Variants in COL25A1 observed in about 807,000 individuals in gnomAD.
COL25A1 encodes the protein collagen alpha-1(XXV) chain.
In COL25A1, 103 loss-of-function variants were observed where a neutral mutation model predicts 128.4. The observed-to-expected ratio is 0.80, with a 90% CI of 0.68 to 0.94. The LOEUF is 0.94. COL25A1 is among the 40% of genes least tolerant of loss of function. The pLI, the probability that COL25A1 is intolerant of heterozygous loss-of-function variation, is 0.00. For missense variants in COL25A1, 745 were observed against 840.0 expected (o/e 0.89, Z 1.40); for synonymous variants, 279 against 277.2 (o/e 1.01, Z -0.06).
At chr4:109,013,484 C>CCACACTGTGTAGGGTTTGTTCTT (rs1756876256) in intron 5 of COL25A1, among the ~76,000 whole-genome samples, 1 of 151,080 alleles carries the variant, frequency 6.6e-6, no homozygotes, top group African/African-American at 2.4e-5. Context: ...GAGTCCCCTT[C>CCACACTGTGTAGGGTTTGTTCTT]CACACTGTGT....
chr4:109,063,538 A>G (rs974753433), intron 3 of COL25A1, among the ~76,000 whole-genome samples: 4 of 150,938 alleles, frequency 2.7e-5, no homozygotes, highest in African/African-American at 9.7e-5. Flanking sequence ...GAGGGTAAGG[A>G]AGGATAAAAA....
intron 19 of COL25A1, among the ~76,000 whole-genome samples, chr4:108,883,420 T>C (rs1047328035): frequency 7.9e-5 from 12 of 152,188 alleles, no homozygotes; most frequent in Admixed American, 5.2e-4. Context: ...TTGCATTATG[T>C]TAACCCCTAT....
At chr4:108,900,484 A>G (rs114261146) in intron 14 of COL25A1, among the ~76,000 whole-genome samples, 1,731 of 152,288 alleles carry the variant, frequency 0.011, 24 homozygotes, top group African/African-American at 0.039. Context: ...TCACTCATCA[A>G]AGGATTTGGG....
chr4:109,122,284 A>G (rs1768172559), intron 3 of COL25A1, among the ~76,000 whole-genome samples: 1 of 151,996 alleles, frequency 6.6e-6, no homozygotes, highest in Non-Finnish European at 1.5e-5. Flanking sequence ...TCCGGGTGAT[A>G]ATGATGTGTC....
At chr4:108,852,828 G>A (rs1735951613) in intron 25 of COL25A1, 74 bp downstream of exon 25, 2 of 1,139,984 alleles carry the variant, frequency 1.8e-6, no homozygotes, top group Admixed American at 4.1e-5. Flanking sequence ...AGCTACATTA[G>A]TACCATTTTG....
intron 3 of COL25A1, among the ~76,000 whole-genome samples, chr4:109,244,757 G>T (rs1481890899): frequency 6.6e-6 from 1 of 152,150 alleles, no homozygotes; most frequent in Non-Finnish European, 1.5e-5. Flanking sequence ...AAAATTAAGT[G>T]TCTGGGTAGT....
In COL25A1 at chr4:108,933,881, G is replaced by T. The variant is rs59753758; in HGVS notation, c.708+3927C>A. Among the ~76,000 whole-genome samples the T allele has an allele frequency of 9.3e-3, 1,155 of 124,772 alleles. 12 individuals carry two copies. Among genetic ancestry groups the T allele is most frequent in the African/African-American group, 0.029 (1,089 of 37,074 alleles). 81.9% of individuals were successfully genotyped at this position (124,772 alleles called of 152,430 possible). On this transcript the variant is annotated intron_variant, in intron 11 of 37. Transcript: ENST00000399132. Reference sequence around the variant, plus strand: ...ACACACACACACACACACACACAATGTGTGAAAGAAAATTTCTAAGTTTCT... The same window carrying T: ...ACACACACACACACACACACACAATTTGTGAAAGAAAATTTCTAAGTTTCT...
At chr4:108,961,568 C>CCTGTTCTGTTCTGTTCTGTTCTGTT (rs55657985) in intron 8 of COL25A1, among the ~76,000 whole-genome samples, 5,937 of 135,440 alleles carry the variant, frequency 0.044, 252 homozygotes, top group East Asian at 0.048. Flanking sequence ...AGAAGGTTCT[C>CCTGTTCTGTTCTGTTCTGTTCTGTT]CTGTTCTGTT....
intron 20 of COL25A1, among the ~76,000 whole-genome samples, chr4:108,866,563 T>G (rs1737951181): frequency 6.6e-6 from 1 of 152,234 alleles, no homozygotes; most frequent in Admixed American, 6.5e-5. Context: ...AGATGCAGCA[T>G]GTTTTGATGC....
chr4:108,895,792 C>T lies in COL25A1; in HGVS notation c.906+875G>A, dbSNP rs114443119. Among the ~76,000 whole-genome samples the T allele has an allele frequency of 7.7e-3, 1,165 of 151,866 alleles. 12 individuals are homozygous for T. The highest frequency in any genetic ancestry group is 0.026 in the African/African-American group (1,083 of 41,376). On this transcript the variant is annotated intron_variant, in intron 16 of 37. Coordinates refer to ENST00000399132, the MANE Select transcript of COL25A1 (RefSeq NM_198721.4). The stretch of plus-strand genomic sequence containing the variant: ...GGTTAATGGATAAGTTCTTTAGTGG[C>T]GAGTTCCGAGATTTTGGTGCACCCA...
intron 3 of COL25A1, among the ~76,000 whole-genome samples, chr4:109,230,229 G>A (rs1393688475): frequency 6.6e-6 from 1 of 152,084 alleles, no homozygotes; most frequent in Non-Finnish European, 1.5e-5. Flanking sequence ...TTGCAAGTAG[G>A]TGAATTGCAA....
chr4:109,006,284 G>A (rs1194030412), intron 6 of COL25A1, among the ~76,000 whole-genome samples: 1 of 151,208 alleles, frequency 6.6e-6, no homozygotes, highest in Non-Finnish European at 1.5e-5. Context: ...AGCTATCTTG[G>A]CTCACTGCAA....
chr4:109,237,005 T>C (rs1482581374), intron 3 of COL25A1, among the ~76,000 whole-genome samples: 1 of 152,062 alleles, frequency 6.6e-6, no homozygotes, highest in African/African-American at 2.4e-5. Flanking sequence ...CATCAAAATA[T>C]CTCATAAGCA....
intron 3 of COL25A1, among the ~76,000 whole-genome samples, chr4:109,076,398 TAATC>T (rs1763376485): frequency 6.6e-6 from 1 of 152,236 alleles, no homozygotes; most frequent in Admixed American, 6.5e-5. Context: ...ATTAATGTAT[TAATC>T]AATTTATCAC....
chr4:109,160,975 A>G (rs2126117474), intron 3 of COL25A1, among the ~76,000 whole-genome samples: 1 of 152,260 alleles, frequency 6.6e-6, no homozygotes, highest in South Asian at 2.1e-4. Context: ...TATATGAAAT[A>G]TTTATAATAA....
chr4:108,869,132 C>A lies in COL25A1; in HGVS notation c.1039G>T (p.Gly347Cys). 2 of 1,542,746 alleles carry A rather than the reference C, an allele frequency of 1.3e-6. No individual in the cohort carries two copies. The highest frequency in any genetic ancestry group is 1.3e-5 in the South Asian group (1 of 79,920). Residue 347 changes from glycine to cysteine, a missense_variant, in exon 20 of 38, where the codon GGT (glycine) becomes TGT (cysteine). By Grantham distance (159) the Gly-to-Cys change is radical. Transcript: ENST00000399132. ...GGTAAGCCTGGTTCTCCTTGAGGACCAATGAAACCTGGTTCTCCCTTTAAA... is the reference window on the plus strand; with the variant it reads ...GGTAAGCCTGGTTCTCCTTGAGGACAAATGAAACCTGGTTCTCCCTTTAAA... ...PGIKGEPGFIGPQGEPGLPGL... is the reference protein window; with the variant it reads ...PGIKGEPGFICPQGEPGLPGL...
chr4:109,050,219 C>A (rs747122959), intron 3 of COL25A1, 40 bp from the exon 4 acceptor site: 5 of 1,531,970 alleles, frequency 3.3e-6, no homozygotes, highest in Non-Finnish European at 4.5e-6. Context: ...TAGTTTAATT[C>A]TTTTTCCTGG....
chr4:108,921,463 C>T (rs891766041), intron 11 of COL25A1, among the ~76,000 whole-genome samples: 2 of 152,036 alleles, frequency 1.3e-5, no homozygotes, highest in East Asian at 1.9e-4. Flanking sequence ...ATTTTTAGTA[C>T]GTTTTAGCAA....
intron 3 of COL25A1, among the ~76,000 whole-genome samples, chr4:109,177,783 A>G (rs1430232805): frequency 6.6e-6 from 1 of 152,212 alleles, no homozygotes; most frequent in Non-Finnish European, 1.5e-5. Flanking sequence ...TTGCCAGGTA[A>G]TGTGATTCAT....
Sources: gnomAD v4.1 joint callset for allele counts (sites outside exome capture counted in the v4.1 genomes callset) on GRCh38, gnomAD v4.1.1 for gene constraint, MANE v1.5 for transcripts, NCBI Gene and HGNC (gene_info 2026-07-23, HGNC 2026-07-21) for gene names.